Variants in SV2C observed in about 807,000 individuals in gnomAD.
SV2C encodes synaptic vesicle glycoprotein 2C.
In SV2C, 49 loss-of-function variants were observed where a neutral mutation model predicts 79.7. The observed-to-expected ratio is 0.61, with a 90% CI of 0.49 to 0.78. The LOEUF (loss-of-function observed/expected upper bound fraction) is 0.78. SV2C is among the 30% of genes least tolerant of loss of function. The pLI, the probability that SV2C is intolerant of heterozygous loss-of-function variation, is 0.00. For missense variants in SV2C, 833 were observed against 912.9 expected (o/e 0.91, Z 1.13); for synonymous variants, 334 against 333.2 (o/e 1.00, Z -0.03).
chr5:76,211,139 C>CTCCA (rs1427152952), intron 4 of SV2C, among the ~76,000 whole-genome samples: 1 of 152,164 alleles, frequency 6.6e-6, no homozygotes, highest in Admixed American at 6.5e-5. Flanking sequence ...CAAAGCTCAG[C>CTCCA]TCCACATCAG....
At chr5:76,027,174 G>C in the SV2C span, among the ~76,000 whole-genome samples, 4 of 146,832 alleles carry the variant, frequency 2.7e-5, no homozygotes, top group Non-Finnish European at 5.9e-5. Flanking sequence ...TGATTCTCCT[G>C]CCTCAGCATT....
At chr5:76,130,755 C>G (rs1262036891) in intron 1 of SV2C, among the ~76,000 whole-genome samples, 2 of 152,108 alleles carry the variant, frequency 1.3e-5, no homozygotes, top group Admixed American at 1.3e-4. Flanking sequence ...AAGGTCCAGA[C>G]TTTACTACCA....
chr5:76,271,226 G>C (rs1163102285), intron 4 of SV2C, among the ~76,000 whole-genome samples: 1 of 152,138 alleles, frequency 6.6e-6, no homozygotes, highest in African/African-American at 2.4e-5. Flanking sequence ...CCCACAGTTT[G>C]GGGCTCACCA....
chr5:76,011,693 T>TA, the SV2C span, among the ~76,000 whole-genome samples: 1 of 152,106 alleles, frequency 6.6e-6, no homozygotes, highest in Non-Finnish European at 1.5e-5. Context: ...ACACGTGCCA[T>TA]GGTGGTTTGC....
At chr5:76,293,952 C>T (rs940188828) in intron 8 of SV2C, among the ~76,000 whole-genome samples, 2 of 152,200 alleles carry the variant, frequency 1.3e-5, no homozygotes, top group Non-Finnish European at 2.9e-5. Context: ...AGGCTATGCC[C>T]ATACTCTCTT....
the SV2C span, among the ~76,000 whole-genome samples, chr5:75,953,661 C>T: frequency 2.0e-5 from 3 of 151,938 alleles, no homozygotes; most frequent in Non-Finnish European, 4.4e-5. Context: ...CATCCAGAAG[C>T]AATGACTGAT....
chr5:75,994,928 G>A, the SV2C span, among the ~76,000 whole-genome samples: 1 of 152,130 alleles, frequency 6.6e-6, no homozygotes, highest in Admixed American at 6.5e-5. Context: ...GAGAGCCAAG[G>A]GGAATCAATG....
intron 4 of SV2C, among the ~76,000 whole-genome samples, chr5:76,250,071 G>A (rs1277932528): frequency 1.3e-5 from 2 of 152,168 alleles, no homozygotes; most frequent in Admixed American, 1.3e-4. Context: ...AATAATTGAA[G>A]ACCTTAATTC....
the SV2C span, among the ~76,000 whole-genome samples, chr5:75,904,395 A>AAAACAAAACAAAACT: frequency 2.8e-5 from 4 of 143,804 alleles, no homozygotes; most frequent in Admixed American, 6.7e-5. Flanking sequence ...AAAACAAAAC[A>AAAACAAAACAAAACT]AACCCAGAGA....
the SV2C span, among the ~76,000 whole-genome samples, chr5:76,036,459 G>A: frequency 6.6e-6 from 1 of 151,938 alleles, no homozygotes; most frequent in Admixed American, 6.6e-5. Context: ...AAATCTCTCA[G>A]CATTTGCTTG....
the SV2C span, among the ~76,000 whole-genome samples, chr5:75,867,742 A>G: frequency 6.6e-6 from 1 of 152,272 alleles, no homozygotes; most frequent in East Asian, 1.9e-4. Flanking sequence ...CTTTCCCTTC[A>G]TTGTCTCTTC....
intron 1 of SV2C, among the ~76,000 whole-genome samples, chr5:76,088,571 T>A (rs1032666756): frequency 6.6e-6 from 1 of 152,206 alleles, no homozygotes; most frequent in African/African-American, 2.4e-5. Flanking sequence ...GGAACCCTCA[T>A]GACTTACTTA....
chr5:75,852,785 A>C, the SV2C span, among the ~76,000 whole-genome samples: 1 of 148,072 alleles, frequency 6.8e-6, no homozygotes, highest in East Asian at 2.0e-4. Context: ...GCGATCACGC[A>C]ACTGCACTCC....
At chr5:76,065,015 TG>T in the SV2C span, among the ~76,000 whole-genome samples, 1 of 152,106 alleles carries the variant, frequency 6.6e-6, no homozygotes, top group South Asian at 2.1e-4. Context: ...GTTATGTGAG[TG>T]GTTGGTTTTG....
chr5:75,900,033 G>C, the SV2C span, among the ~76,000 whole-genome samples: 1 of 152,168 alleles, frequency 6.6e-6, no homozygotes, highest in Non-Finnish European at 1.5e-5. Context: ...TTGCCAGTCT[G>C]TCTTTTAATT....
intron 4 of SV2C, among the ~76,000 whole-genome samples, chr5:76,235,372 A>G (rs1266433394): frequency 6.6e-6 from 1 of 152,246 alleles, no homozygotes; most frequent in African/African-American, 2.4e-5. Flanking sequence ...AAGGCATGAT[A>G]TACATTGGTT....
At chr5:75,903,880 T>G in the SV2C span, among the ~76,000 whole-genome samples, 8 of 152,222 alleles carry the variant, frequency 5.3e-5, no homozygotes, top group Non-Finnish European at 1.2e-4. Flanking sequence ...ATTATCAACT[T>G]TATCTTCGGA....
intron 4 of SV2C, among the ~76,000 whole-genome samples, chr5:76,230,750 C>T (rs1745389925): frequency 6.6e-6 from 1 of 151,640 alleles, no homozygotes; most frequent in Non-Finnish European, 1.5e-5. Context: ...GATTGCACCA[C>T]TGCACTGCAG....
At chr5:75,939,310 G>A in the SV2C span, among the ~76,000 whole-genome samples, 25 of 152,120 alleles carry the variant, frequency 1.6e-4, no homozygotes, top group Middle Eastern at 6.8e-3. Flanking sequence ...GGTGAGGGTC[G>A]GCTTCCTGGA....
Sources: allele counts gnomAD v4.1 joint callset (sites outside exome capture counted in the v4.1 genomes callset), GRCh38; gene constraint gnomAD v4.1.1; transcripts MANE v1.5; gene names NCBI Gene and HGNC (gene_info 2026-07-23, HGNC 2026-07-21).